Variants in TMEM45B observed in about 807,000 individuals in gnomAD.
TMEM45B encodes transmembrane protein 45B.
In TMEM45B, 29 loss-of-function variants were observed where a neutral mutation model predicts 27.3. That is an observed-to-expected ratio of 1.06 (90% confidence interval 0.79 to 1.45). The LOEUF (loss-of-function observed/expected upper bound fraction) is 1.45. Ranked by LOEUF, TMEM45B falls within the 40% of genes most tolerant of loss-of-function variation. The probability of loss-of-function intolerance (pLI) is 0.00; values close to 1 mark genes in which losing one functional copy is unlikely to be tolerated. For missense variants in TMEM45B, 348 were observed against 343.9 expected (o/e 1.01, Z -0.09); for synonymous variants, 143 against 134.7 (o/e 1.06, Z -0.43).
At chr11:129,822,933 C>T (rs568840346) in intron 1 of TMEM45B, among the ~76,000 whole-genome samples, 231 of 151,604 alleles carry the variant, frequency 1.5e-3, no homozygotes, top group African/African-American at 4.9e-3. Context: ...CTCCGCCTCC[C>T]GAGTTCAAGC....
chr11:129,819,761 G>A (rs1197319239), intron 1 of TMEM45B, among the ~76,000 whole-genome samples: 1 of 151,460 alleles, frequency 6.6e-6, no homozygotes, highest in East Asian at 2.0e-4. Flanking sequence ...TCACCATGTT[G>A]GTCAGGCTGG....
rs550830146 is a variant in TMEM45B, at chr11:129,859,496, A to T, written c.*811A>T. ...AACGAATTCAGAATTAGTAATGTAA[A>T]ATCTTGATACCCTAATCTTGCTTCT... On this transcript the variant is annotated 3_prime_UTR_variant, in exon 6 of 6. Transcript: ENST00000281441. The T allele has an allele frequency of 6.6e-6, 1 of 152,260 alleles. No individual in the cohort carries two copies. The highest frequency in any genetic ancestry group is 2.4e-5 in the African/African-American group (1 of 41,558). 9.4% of individuals were successfully genotyped at this position (152,260 alleles called of 1,614,324 possible). A position where few individuals can be genotyped will look rare whatever the true frequency, so the allele number is the denominator to read the frequency against.
chr11:129,828,583 A>G (rs1035719848), intron 1 of TMEM45B, among the ~76,000 whole-genome samples: 1 of 152,226 alleles, frequency 6.6e-6, no homozygotes, highest in Non-Finnish European at 1.5e-5. Flanking sequence ...TAAGCAGCTC[A>G]TAGAACGTGA....
chr11:129,845,182 TAC>T (rs1208424387), intron 1 of TMEM45B, among the ~76,000 whole-genome samples: 1 of 152,304 alleles, frequency 6.6e-6, no homozygotes, highest in African/African-American at 2.4e-5. Flanking sequence ...CATATATGTG[TAC>T]ACACACACGC....
intron 1 of TMEM45B, among the ~76,000 whole-genome samples, chr11:129,837,777 C>CTTTTT (rs1159669879): frequency 2.0e-4 from 14 of 69,026 alleles, no homozygotes; most frequent in East Asian, 1.0e-3. Flanking sequence ...AGGCTAGTTT[C>CTTTTT]TTTTTTTTTT....
At position 129,859,183 on chromosome 11, in the gene TMEM45B, G is replaced by A. The variant is rs1210353553; in HGVS notation, c.*498G>A. 1 of 152,218 alleles carries A rather than the reference G, an allele frequency of 6.6e-6. No individual in the cohort carries two copies. Among genetic ancestry groups the A allele is most frequent in the Non-Finnish European group, 1.5e-5 (1 of 68,064 alleles). 9.4% of individuals were successfully genotyped at this position (152,218 alleles called of 1,614,324 possible). A position where few individuals can be genotyped will look rare whatever the true frequency, so the allele number is the denominator to read the frequency against. On this transcript the variant is annotated 3_prime_UTR_variant, in exon 6 of 6. Transcript: ENST00000281441. ...ATTCTAACTTACATATTTTTTGAAA[G>A]TAAAATAATTCACAAGCTTTGGTAT...
intron 5 of TMEM45B, among the ~76,000 whole-genome samples, chr11:129,857,844 CA>C (rs745788950): frequency 3.3e-5 from 5 of 152,178 alleles, no homozygotes; most frequent in South Asian, 2.1e-4. Context: ...ATGTGACAGT[CA>C]AAAAATAAAC....
intron 1 of TMEM45B, among the ~76,000 whole-genome samples, chr11:129,837,487 A>G (rs1947635005): frequency 6.7e-6 from 1 of 148,838 alleles, no homozygotes; most frequent in Non-Finnish European, 1.5e-5. Context: ...GGGTTTCACT[A>G]TGTTGGCCAG....
chr11:129,816,291 GGT>G (rs1947350170), intron 1 of TMEM45B, among the ~76,000 whole-genome samples: 1 of 152,156 alleles, frequency 6.6e-6, no homozygotes, highest in Non-Finnish European at 1.5e-5. Context: ...CCGTCTGCCC[GGT>G]GAGTCCGGGG....
chr11:129,853,319 C>T (rs1947875532), intron 2 of TMEM45B, among the ~76,000 whole-genome samples: 1 of 152,236 alleles, frequency 6.6e-6, no homozygotes, highest in Non-Finnish European at 1.5e-5. Context: ...CAGGACCAGC[C>T]CCACCTGGGG....
chr11:129,858,148 G>C (rs75569630), intron 5 of TMEM45B, among the ~76,000 whole-genome samples: 12 of 152,334 alleles, frequency 7.9e-5, no homozygotes, highest in Admixed American at 3.3e-4. Context: ...GGTATTACCA[G>C]TTCTATTTGC....
intron 1 of TMEM45B, among the ~76,000 whole-genome samples, chr11:129,835,390 C>T (rs1215831208): frequency 6.6e-6 from 1 of 152,142 alleles, no homozygotes; most frequent in Non-Finnish European, 1.5e-5. Context: ...GTCAAATGGC[C>T]TCACCCCCTG....
At chr11:129,827,898 G>T (rs1294307436) in intron 1 of TMEM45B, among the ~76,000 whole-genome samples, 5 of 151,932 alleles carry the variant, frequency 3.3e-5, no homozygotes, top group Non-Finnish European at 7.4e-5. Flanking sequence ...TGAACCCTGG[G>T]GGCGGAGGTT....
intron 1 of TMEM45B, among the ~76,000 whole-genome samples, chr11:129,848,505 AAG>A (rs1947800499): frequency 6.9e-6 from 1 of 145,456 alleles, no homozygotes; most frequent in African/African-American, 2.6e-5. Context: ...AGACCGTGGA[AAG>A]AGAGGGAGAG....
intron 4 of TMEM45B, 127 bp downstream of exon 4, chr11:129,856,019 T>G: frequency 9.1e-7 from 1 of 1,098,074 alleles, no homozygotes. Flanking sequence ...TGCAAAGGGG[T>G]TTAGATGACC....
intron 1 of TMEM45B, among the ~76,000 whole-genome samples, chr11:129,826,393 C>T (rs1406532097): frequency 6.6e-6 from 1 of 151,420 alleles, no homozygotes; most frequent in Non-Finnish European, 1.5e-5. Flanking sequence ...ACTAAAAATA[C>T]AAAAAATTAG....
intron 1 of TMEM45B, among the ~76,000 whole-genome samples, chr11:129,826,567 A>AAAAAAAAGAAAAAGAAAAAT (rs1199881268): frequency 1.0e-5 from 1 of 96,126 alleles, no homozygotes; most frequent in Admixed American, 1.3e-4. Flanking sequence ...AAAAAAAAAA[A>AAAAAAAAGAAAAAGAAAAAT]AGGACCCTGA....
intron 1 of TMEM45B, among the ~76,000 whole-genome samples, chr11:129,819,002 CTT>C (rs56282415): frequency 0.016 from 2,380 of 152,286 alleles, 37 homozygotes; most frequent in South Asian, 0.035. Flanking sequence ...TTGATGTACT[CTT>C]TTGGTTTGAG....
intron 1 of TMEM45B, among the ~76,000 whole-genome samples, chr11:129,823,241 G>T (rs571100345): frequency 4.6e-5 from 7 of 152,136 alleles, no homozygotes; most frequent in Non-Finnish European, 7.3e-5. Context: ...CAGCCCCACA[G>T]TGATCATCAA....
Sources: gnomAD v4.1 joint callset for allele counts (sites outside exome capture counted in the v4.1 genomes callset) on GRCh38, gnomAD v4.1.1 for gene constraint, MANE v1.5 for transcripts, NCBI Gene and HGNC (gene_info 2026-07-23, HGNC 2026-07-21) for gene names.